Variants in SGMS1 observed in about 807,000 individuals in gnomAD.
SGMS1 encodes sphingomyelin synthase 1.
Under a neutral mutation model 46.2 loss-of-function variants are expected in SGMS1, and 13 were observed. The ratio of observed to expected loss-of-function variants is 0.28; its 90% CI spans 0.18 to 0.45. The LOEUF (loss-of-function observed/expected upper bound fraction) is 0.45. Among genes scored for constraint, SGMS1 ranks in the 20% least tolerant of loss-of-function variants. The pLI is 1.00. For synonymous variants in SGMS1, 203 were observed against 187.8 expected (o/e 1.08, Z -0.66); for missense variants, 324 against 519.9 (o/e 0.62, Z 3.66).
At chr10:50,342,731 AAATC>A (rs1488948239) in intron 7 of SGMS1, 1 of 152,234 alleles carries the variant, frequency 6.6e-6, no homozygotes, top group Non-Finnish European at 1.5e-5. Flanking sequence ...ACTAAGGAGA[AAATC>A]AAACATCAGT....
chr10:50,589,826 C>T (rs921422808), intron 2 of SGMS1, among the ~76,000 whole-genome samples: 7 of 152,192 alleles, frequency 4.6e-5, no homozygotes, highest in Non-Finnish European at 1.0e-4. Flanking sequence ...GAGCATAACT[C>T]AGTTACACAC....
intron 6 of SGMS1, among the ~76,000 whole-genome samples, chr10:50,377,704 T>G (rs1848539267): frequency 6.6e-6 from 1 of 152,154 alleles, no homozygotes; most frequent in Admixed American, 6.5e-5. Flanking sequence ...TAAACAGAAA[T>G]GCATTATCAG....
At chr10:50,311,217 G>A in intron 9 of SGMS1, 45 bp downstream of exon 9, 1 of 1,591,706 alleles carries the variant, frequency 6.3e-7, no homozygotes, top group Middle Eastern at 2.2e-4. Flanking sequence ...GAGTTCATGA[G>A]AAATGGCAGG....
intron 2 of SGMS1, among the ~76,000 whole-genome samples, chr10:50,569,608 G>T (rs970928140): frequency 5.3e-5 from 8 of 152,192 alleles, no homozygotes; most frequent in African/African-American, 1.9e-4. Context: ...GTGCACTGTG[G>T]GGTAGATTTC....
At chr10:50,423,471 A>G (rs1052883296) in intron 6 of SGMS1, among the ~76,000 whole-genome samples, 5 of 152,212 alleles carry the variant, frequency 3.3e-5, no homozygotes, top group African/African-American at 1.2e-4. Context: ...TCTCTAGAAG[A>G]AAACGGGTTT....
intron 6 of SGMS1, among the ~76,000 whole-genome samples, chr10:50,372,145 C>T (rs766031779): frequency 3.3e-5 from 5 of 152,136 alleles, no homozygotes; most frequent in African/African-American, 4.8e-5. Context: ...GGAGCTAGCA[C>T]GGTGCCCGGC....
chr10:50,442,565 C>T (rs1203395), intron 5 of SGMS1, among the ~76,000 whole-genome samples: 31,318 of 152,112 alleles, frequency 0.21, 3,472 homozygotes, highest in Non-Finnish European at 0.25. Context: ...GTATGTACCA[C>T]ATTTTCTTTA....
At chr10:50,367,857 T>G (rs892249471) in intron 6 of SGMS1, among the ~76,000 whole-genome samples, 2 of 152,200 alleles carry the variant, frequency 1.3e-5, no homozygotes, top group Admixed American at 1.3e-4. Context: ...AGGATAATCC[T>G]TATCCATGAA....
At chr10:50,472,954 A>T (rs967070124) in intron 3 of SGMS1, 2 of 152,112 alleles carry the variant, frequency 1.3e-5, no homozygotes, top group Non-Finnish European at 2.9e-5. Context: ...CATTCCCATC[A>T]CCTGGCTTAG....
At chr10:50,507,475 C>A (rs1837717057) in intron 3 of SGMS1, among the ~76,000 whole-genome samples, 1 of 152,110 alleles carries the variant, frequency 6.6e-6, no homozygotes, top group African/African-American at 2.4e-5. Flanking sequence ...TTGGACATTC[C>A]TTTATCAAAC....
At chr10:50,340,577 C>T (rs946929062) in intron 7 of SGMS1, 4 of 151,562 alleles carry the variant, frequency 2.6e-5, no homozygotes, top group African/African-American at 4.9e-5. Flanking sequence ...TGTGGATTTA[C>T]GTATATATAA....
At chr10:50,391,719 A>G (rs762156025) in intron 6 of SGMS1, among the ~76,000 whole-genome samples, 5 of 151,982 alleles carry the variant, frequency 3.3e-5, no homozygotes, top group Non-Finnish European at 5.9e-5. Flanking sequence ...GTGCACATGT[A>G]TGTTCATCAT....
intron 6 of SGMS1, among the ~76,000 whole-genome samples, chr10:50,415,114 C>G (rs1434345356): frequency 1.3e-5 from 2 of 152,232 alleles, no homozygotes; most frequent in Non-Finnish European, 2.9e-5. Context: ...GAGCGAGACT[C>G]CGTCTCAAAA....
chr10:50,521,553 C>T (rs1172295267), intron 2 of SGMS1, among the ~76,000 whole-genome samples: 2 of 152,162 alleles, frequency 1.3e-5, no homozygotes, highest in African/African-American at 2.4e-5. Flanking sequence ...AGTCCAGGGT[C>T]AGATACTGCA....
At chr10:50,323,029 C>A (rs564120114) in intron 8 of SGMS1, among the ~76,000 whole-genome samples, 1 of 152,236 alleles carries the variant, frequency 6.6e-6, no homozygotes, top group African/African-American at 2.4e-5. Flanking sequence ...AAACTGAACA[C>A]ATCCACTTCC....
Position 50,368,745 on chromosome 10 carries a change from A to C in SGMS1, c.-231-24400T>G, listed in dbSNP as rs111291663. Among the ~76,000 whole-genome samples the C allele has an allele frequency of 9.3e-3, 1,410 of 152,348 alleles. 25 individuals carry two copies. Among genetic ancestry groups the C allele is most frequent in the African/African-American group, 0.031 (1,290 of 41,580 alleles). ...AGAGCCTTGCAATTAATCAATGACC[A>C]CTGAACTGTAAAGAAATTATATAAA... On this transcript the variant is annotated intron_variant, in intron 6 of 10. Coordinates refer to ENST00000361781, the MANE Select transcript of SGMS1 (RefSeq NM_147156.4).
At chr10:50,346,949 C>A (rs938439170) in intron 6 of SGMS1, among the ~76,000 whole-genome samples, 21 of 152,086 alleles carry the variant, frequency 1.4e-4, no homozygotes, top group Admixed American at 3.9e-4. Context: ...AGAAAGAATC[C>A]CATCTTACTC....
intron 6 of SGMS1, among the ~76,000 whole-genome samples, chr10:50,396,499 G>A (rs1848849776): frequency 2.0e-5 from 3 of 152,200 alleles, no homozygotes; most frequent in Non-Finnish European, 2.9e-5. Context: ...GAACTAGAGA[G>A]AGGAAGGAAC....
At chr10:50,577,629 G>C (rs543876914) in intron 2 of SGMS1, among the ~76,000 whole-genome samples, 1 of 152,174 alleles carries the variant, frequency 6.6e-6, no homozygotes, top group Non-Finnish European at 1.5e-5. Context: ...AATAACAAGA[G>C]AGAAAGGAAC....
Sources: allele counts gnomAD v4.1 joint callset (sites outside exome capture counted in the v4.1 genomes callset), GRCh38; gene constraint gnomAD v4.1.1; transcripts MANE v1.5; gene names NCBI Gene and HGNC (gene_info 2026-07-23, HGNC 2026-07-21).